The following RGS20 variants were observed in gnomAD, a reference collection of about 807,000 sequenced individuals.
RGS20 encodes the protein gz-selective GTPase-activating protein.
A neutral mutation model predicts 33.6 loss-of-function variants in RGS20; 30 were observed. The ratio of observed to expected loss-of-function variants is 0.89; its 90% CI spans 0.67 to 1.21. The LOEUF is 1.21. Among genes scored for constraint, RGS20 ranks in the 50% most tolerant of loss-of-function variants. The pLI, the probability that RGS20 is intolerant of heterozygous loss-of-function variation, is 0.00. For missense variants in RGS20, 472 were observed against 502.4 expected, an observed-to-expected ratio of 0.94 and a Z score of 0.58; for synonymous variants, 208 against 197.9, an observed-to-expected ratio of 1.05 and a Z score of -0.43.
intron 1 of RGS20, among the ~76,000 whole-genome samples, chr8:53,872,997 G>A (rs866265059): frequency 6.6e-6 from 1 of 152,078 alleles, no homozygotes; most frequent in Non-Finnish European, 1.5e-5. Flanking sequence ...CCCAGTGTTG[G>A]AGGCATGACC....
chr8:53,871,366 T>C (rs574103371), intron 1 of RGS20, among the ~76,000 whole-genome samples: 1 of 152,114 alleles, frequency 6.6e-6, no homozygotes, highest in South Asian at 2.1e-4. Flanking sequence ...CTGGATCAAG[T>C]CACAATCACT....
At chr8:53,878,709 T>C (rs1563353679) in intron 1 of RGS20, among the ~76,000 whole-genome samples, 1 of 151,698 alleles carries the variant, frequency 6.6e-6, no homozygotes, top group African/African-American at 2.4e-5. Context: ...GGACCTTCCA[T>C]AGACAACAAT....
intron 2 of RGS20, among the ~76,000 whole-genome samples, chr8:53,918,868 C>T (rs1054328199): frequency 6.6e-6 from 1 of 152,114 alleles, no homozygotes; most frequent in Non-Finnish European, 1.5e-5. Context: ...CAACAATAAA[C>T]AAACAGCATT....
chr8:53,879,324 C>T lies in RGS20; in HGVS notation c.232C>T (p.Pro78Ser), dbSNP rs755063686. The change falls in exon 2 of 6, where the codon CCG (proline) becomes TCG (serine). Residue 78 changes from proline to serine, a missense_variant. By Grantham distance (74) the Pro-to-Ser change is moderately conservative. Around this residue, in one of 3 missense-constraint regions of RGS20, gnomAD observed 319 missense variants for 283.4 expected, o/e 1.13. Coordinates refer to ENST00000297313, the MANE Select transcript of RGS20 (RefSeq NM_170587.4). ...GAAGCTGTTCGGCCTCCTTTCTAGC[C>T]CGCTTTCCAGCCTCGCAAGGTTCTT... 5.0e-6 allele frequency: 8 copies of T among 1,613,320 alleles called. No homozygotes were observed. Among genetic ancestry groups the T allele is most frequent in the Non-Finnish European group, 6.8e-6 (8 of 1,179,996 alleles).
chr8:53,948,049 TG>T lies in RGS20; in HGVS notation c.743+1302del, dbSNP rs1204403403. Among the ~76,000 whole-genome samples the T allele has an allele frequency of 2.2e-5, 3 of 135,262 alleles. No individual in the cohort carries two copies. The East Asian group carries it at 6.3e-4, about 28-fold the overall frequency. 88.7% of individuals were successfully genotyped at this position (135,262 alleles called of 152,430 possible). A position where few individuals can be genotyped will look rare whatever the true frequency, so the allele number is the denominator to read the frequency against. ...ACTATATATAAGTATATATGCTATA[TG>T]TAGGATATAGTATATATATTTATAT... On this transcript the variant is annotated intron_variant, in intron 4 of 5. Coordinates refer to ENST00000297313, the MANE Select transcript of RGS20 (RefSeq NM_170587.4).
chr8:53,953,205 A>G (rs1264269675), intron 4 of RGS20, among the ~76,000 whole-genome samples: 1 of 152,198 alleles, frequency 6.6e-6, no homozygotes, highest in African/African-American at 2.4e-5. Context: ...CCCTAATTAT[A>G]GTTTTTAAAT....
chr8:53,859,332 A>G (rs1811756792), intron 1 of RGS20, among the ~76,000 whole-genome samples: 1 of 152,226 alleles, frequency 6.6e-6, no homozygotes, highest in South Asian at 2.1e-4. Context: ...AAAATATCCC[A>G]TATGAAAATC....
intron 5 of RGS20, among the ~76,000 whole-genome samples, chr8:53,954,807 C>A (rs1814815940): frequency 6.6e-6 from 1 of 150,380 alleles, no homozygotes; most frequent in African/African-American, 2.4e-5. Context: ...CCTGCCTCAG[C>A]CTCCAGAGTA....
chr8:53,942,787 G>C (rs890546990), intron 3 of RGS20, among the ~76,000 whole-genome samples: 2 of 149,794 alleles, frequency 1.3e-5, no homozygotes, highest in Non-Finnish European at 3.0e-5. Flanking sequence ...CCAGGAGTTC[G>C]AGACCAGCTG....
chr8:53,877,712 G>A lies in RGS20; in HGVS notation c.166-1546G>A, dbSNP rs908250487. Among the ~76,000 whole-genome samples, 4 of 152,212 alleles carry A rather than the reference G, an allele frequency of 2.6e-5. No homozygotes were observed. Among genetic ancestry groups the A allele is most frequent in the Non-Finnish European group, 5.9e-5 (4 of 68,036 alleles). On this transcript the variant is annotated intron_variant, in intron 1 of 5. Coordinates refer to ENST00000297313, the MANE Select transcript of RGS20 (RefSeq NM_170587.4). This position sits in a 1 kb window ranked among gnomAD's most constrained non-coding sequence, Gnocchi z 5.7. ...AGAACGACCCCATTCTCCAGGAAAA[G>A]GTAATGAGGGGAAGTGAAACAGTGT...
chr8:53,852,720 A>G (rs1811593399), intron 1 of RGS20, among the ~76,000 whole-genome samples: 1 of 152,218 alleles, frequency 6.6e-6, no homozygotes. Context: ...TAGAATATGG[A>G]CATGTGTTAA....
intron 1 of RGS20, among the ~76,000 whole-genome samples, chr8:53,872,004 C>T (rs934446998): frequency 5.8e-4 from 89 of 152,256 alleles, no homozygotes; most frequent in African/African-American, 2.1e-3. Flanking sequence ...TTGAATGACT[C>T]ATAGGCATCT....
intron 2 of RGS20, among the ~76,000 whole-genome samples, chr8:53,888,689 C>A (rs890602492): frequency 6.6e-6 from 1 of 152,166 alleles, no homozygotes; most frequent in African/African-American, 2.4e-5. Flanking sequence ...ATTTTCAGCC[C>A]CCCGTGCTCT....
chr8:53,895,081 G>A lies in RGS20; in HGVS notation c.510+15479G>A, dbSNP rs572777283. ...TCGTAGCCATCGAGACAAGAGATGGGGCCGCCAGCCTAGGAGAAGTAGCGG... is the reference window on the plus strand; with the variant it reads ...TCGTAGCCATCGAGACAAGAGATGGAGCCGCCAGCCTAGGAGAAGTAGCGG... On this transcript the variant is annotated intron_variant, in intron 2 of 5. Transcript: ENST00000297313. Among the ~76,000 whole-genome samples, 3 of 152,264 alleles carry A rather than the reference G, an allele frequency of 2.0e-5. No individual in the cohort carries two copies. The East Asian group carries it at 5.8e-4, about 29-fold the overall frequency.
At chr8:53,855,393 T>C (rs1052102519) in intron 1 of RGS20, among the ~76,000 whole-genome samples, 9 of 152,196 alleles carry the variant, frequency 5.9e-5, no homozygotes, top group Admixed American at 5.9e-4. Context: ...AATAAAATTA[T>C]AGACGTAGAG....
intron 4 of RGS20, among the ~76,000 whole-genome samples, chr8:53,951,121 G>T (rs975841261): frequency 6.6e-6 from 1 of 152,168 alleles, no homozygotes; most frequent in Non-Finnish European, 1.5e-5. Flanking sequence ...ATCTGCTAAC[G>T]ATAGAGGGAG....
chr8:53,939,952 C>A (rs1404918722), intron 3 of RGS20, among the ~76,000 whole-genome samples: 1 of 152,178 alleles, frequency 6.6e-6, no homozygotes, highest in African/African-American at 2.4e-5. Context: ...ATCAGGCCAA[C>A]GTGTGTTAAA....
intron 4 of RGS20, among the ~76,000 whole-genome samples, chr8:53,947,407 A>ATTAT (rs1814534756): frequency 9.4e-6 from 1 of 106,816 alleles, no homozygotes; most frequent in East Asian, 5.0e-4. Context: ...TATAAGATAT[A>ATTAT]GTACATTTAT....
chr8:53,896,607 T>C (rs1161079903), intron 2 of RGS20, among the ~76,000 whole-genome samples: 3 of 152,182 alleles, frequency 2.0e-5, no homozygotes, highest in Non-Finnish European at 4.4e-5. Context: ...TTAATTCTTA[T>C]AGAATAGTCT....
Sources: gnomAD v4.1 joint callset for allele counts (sites outside exome capture counted in the v4.1 genomes callset) on GRCh38, gnomAD v4.1.1 for gene constraint, gnomAD v4.1.1 regional missense constraint, Gnocchi (gnomAD v3.1) non-coding constraint, MANE v1.5 for transcripts, NCBI Gene and HGNC (gene_info 2026-07-23, HGNC 2026-07-21) for gene names.